EBF2: variants seen among roughly 807,000 people sequenced by gnomAD.
EBF2 encodes transcription factor COE2.
EBF2 carries 21 observed loss-of-function variants against 72.8 expected under a neutral mutation model. That is an observed-to-expected ratio of 0.29 (90% confidence interval 0.20 to 0.42). The LOEUF is 0.42. Ranked by LOEUF, EBF2 falls within the 10% of genes least tolerant of loss-of-function variation. The probability of loss-of-function intolerance (pLI) is 1.00; values close to 1 mark genes in which losing one functional copy is unlikely to be tolerated. For missense variants in EBF2, 637 were observed against 731.2 expected, an observed-to-expected ratio of 0.87 and a Z score of 1.49; for synonymous variants, 299 against 274.2, an observed-to-expected ratio of 1.09 and a Z score of -0.89.
At chr8:25,992,916 T>A (rs1804568286) in intron 6 of EBF2, among the ~76,000 whole-genome samples, 1 of 139,266 alleles carries the variant, frequency 7.2e-6, no homozygotes, top group Non-Finnish European at 1.6e-5. Flanking sequence ...AAAAAAAAAA[T>A]CATATTTGGA....
chr8:25,863,018 A>G (rs1450340523), intron 10 of EBF2, among the ~76,000 whole-genome samples: 7 of 147,094 alleles, frequency 4.8e-5, no homozygotes, highest in Admixed American at 3.4e-4. Flanking sequence ...GATTATAATT[A>G]TCATTTCTGC....
intron 6 of EBF2, among the ~76,000 whole-genome samples, chr8:25,990,457 C>T (rs1390001474): frequency 2.2e-4 from 34 of 152,130 alleles, no homozygotes. Flanking sequence ...CCAGATTTAG[C>T]CAGCTTGGGG....
At chr8:25,974,235 C>G (rs973630589) in intron 6 of EBF2, among the ~76,000 whole-genome samples, 1 of 152,184 alleles carries the variant, frequency 6.6e-6, no homozygotes, top group African/African-American at 2.4e-5. Context: ...AAAACCAGAC[C>G]AGGCTCCAGG....
intron 6 of EBF2, among the ~76,000 whole-genome samples, chr8:25,923,207 C>CT (rs1433302924): frequency 1.5e-4 from 23 of 152,212 alleles, no homozygotes; most frequent in Admixed American, 6.5e-4. Flanking sequence ...ACATCAGGCT[C>CT]TCCCTGGCAA....
At chr8:25,894,481 G>C (rs1342896928) in intron 7 of EBF2, among the ~76,000 whole-genome samples, 1 of 152,100 alleles carries the variant, frequency 6.6e-6, no homozygotes, top group Non-Finnish European at 1.5e-5. Context: ...GGGTCACGAA[G>C]GCTGACCCTT....
chr8:26,012,715 T>A (rs1354921597), intron 6 of EBF2, among the ~76,000 whole-genome samples: 1 of 152,218 alleles, frequency 6.6e-6, no homozygotes, highest in Non-Finnish European at 1.5e-5. Flanking sequence ...GTTTGCCAGA[T>A]TTCAAACAGG....
At position 25,911,142 on chromosome 8, in the gene EBF2, C is replaced by A. The variant is rs150653342; in HGVS notation, c.552-2587G>T. 9.5e-3 allele frequency among the ~76,000 whole-genome samples: 1,440 copies of A among 152,226 alleles called. 23 individuals carry two copies. Among genetic ancestry groups the A allele is most frequent in the African/African-American group, 0.033 (1,374 of 41,522 alleles). ...CGGGGTAACTTACAGGGAACAAATT[C>A]TCTCCAAATCCCCTGGGTCTAGATC... On this transcript the variant is annotated intron_variant, in intron 6 of 15. Transcript: ENST00000520164.
chr8:25,872,066 G>T (rs952911854), intron 10 of EBF2, among the ~76,000 whole-genome samples: 4 of 152,046 alleles, frequency 2.6e-5, no homozygotes, highest in African/African-American at 9.7e-5. Context: ...AGGAGGCACA[G>T]GGAGCAGATA....
At chr8:25,973,516 C>T (rs1303807497) in intron 6 of EBF2, among the ~76,000 whole-genome samples, 1 of 152,130 alleles carries the variant, frequency 6.6e-6, no homozygotes, top group Non-Finnish European at 1.5e-5. Flanking sequence ...TGTGCAAAAC[C>T]AGCGATGAAG....
In EBF2 at chr8:25,880,199, A is replaced by G. The variant is rs557259932; in HGVS notation, c.1009+6556T>C. Among the ~76,000 whole-genome samples, 11 of 152,308 alleles carry G rather than the reference A, an allele frequency of 7.2e-5. No homozygotes were observed. In the South Asian group the frequency reaches 2.1e-3, roughly 29 times the overall value. On this transcript the variant is annotated intron_variant, in intron 10 of 15. Transcript: ENST00000520164. ...AGATAATAGGCCACGTAGAGCAAAT[A>G]TGTGGTCTCAGTTTGTCCTTTTCCC...
intron 6 of EBF2, among the ~76,000 whole-genome samples, chr8:25,949,885 C>G (rs559643468): frequency 2.0e-5 from 3 of 152,200 alleles, no homozygotes; most frequent in African/African-American, 4.8e-5. Context: ...CAGTACCACA[C>G]AGGATGACAG....
intron 6 of EBF2, among the ~76,000 whole-genome samples, chr8:25,923,410 C>G (rs1803336762): frequency 6.6e-6 from 1 of 152,168 alleles, no homozygotes; most frequent in Admixed American, 6.5e-5. Context: ...CCTGAAAAAT[C>G]AGGCCCGGTA....
intron 6 of EBF2, among the ~76,000 whole-genome samples, chr8:25,920,158 G>A (rs1456259810): frequency 6.6e-6 from 1 of 152,046 alleles, no homozygotes; most frequent in African/African-American, 2.4e-5. Flanking sequence ...ATACACAAAG[G>A]GTCATGGAAA....
intron 6 of EBF2, among the ~76,000 whole-genome samples, chr8:25,987,395 A>T (rs1340572610): frequency 2.0e-5 from 3 of 152,192 alleles, no homozygotes; most frequent in African/African-American, 7.2e-5. Context: ...CACAGTTGGT[A>T]AGCAGTATGG....
intron 6 of EBF2, among the ~76,000 whole-genome samples, chr8:25,989,022 G>A (rs1804504232): frequency 6.6e-6 from 1 of 152,188 alleles, no homozygotes; most frequent in Non-Finnish European, 1.5e-5. Flanking sequence ...CGGTGTAGAG[G>A]AAAGAACACT....
chr8:25,907,108 G>A (rs1338765379), intron 7 of EBF2, among the ~76,000 whole-genome samples: 2 of 151,828 alleles, frequency 1.3e-5, no homozygotes, highest in Non-Finnish European at 2.9e-5. Context: ...AAAAATGAAT[G>A]TCACATTCCT....
At chr8:26,031,643 C>G (rs1274270910) in intron 6 of EBF2, 2 of 151,888 alleles carry the variant, frequency 1.3e-5, no homozygotes, top group Non-Finnish European at 2.9e-5. Context: ...ACTATGTTGA[C>G]CAGGCTGGTC....
At chr8:25,864,101 T>C (rs1802260399) in intron 10 of EBF2, among the ~76,000 whole-genome samples, 1 of 152,206 alleles carries the variant, frequency 6.6e-6, no homozygotes. Flanking sequence ...CCTTTGTGCA[T>C]AACTTTAATT....
intron 6 of EBF2, chr8:26,031,975 C>A (rs185638387): frequency 3.9e-5 from 6 of 152,228 alleles, no homozygotes; most frequent in African/African-American, 1.4e-4. Flanking sequence ...GGCAAAGACA[C>A]TATACACATC....
Sources: gnomAD v4.1 joint callset for allele counts (sites outside exome capture counted in the v4.1 genomes callset) on GRCh38, gnomAD v4.1.1 for gene constraint, MANE v1.5 for transcripts, NCBI Gene and HGNC (gene_info 2026-07-23, HGNC 2026-07-21) for gene names.